The following UBN2 variants were observed in gnomAD, a reference collection of about 807,000 sequenced individuals.
UBN2 encodes ubinuclein-2.
In UBN2, 35 loss-of-function variants were observed where a neutral mutation model predicts 120.2. The ratio of observed to expected loss-of-function variants is 0.29; its 90% CI spans 0.22 to 0.39. The LOEUF (loss-of-function observed/expected upper bound fraction) is 0.39. Among genes scored for constraint, UBN2 ranks in the 10% least tolerant of loss-of-function variants. The pLI, the probability that UBN2 is intolerant of heterozygous loss-of-function variation, is 1.00. For synonymous variants in UBN2, 661 were observed against 648.7 expected (o/e 1.02, Z -0.29); for missense variants, 1,693 against 1,663.2 (o/e 1.02, Z -0.31).
chr7:139,293,158 G>A (rs1351915554), intron 15 of UBN2, 74 bp from the exon 16 acceptor site: 1 of 1,238,256 alleles, frequency 8.1e-7, no homozygotes, highest in Non-Finnish European at 1.2e-6. Context: ...TTGCATCTGT[G>A]AGGATATTAT....
chr7:139,273,782 T>C (rs1797360004), intron 10 of UBN2, 149 bp from the exon 11 acceptor site: 1 of 627,664 alleles, frequency 1.6e-6, no homozygotes, highest in African/African-American at 1.9e-5. Context: ...AGGAAATTGT[T>C]TCATATTGCA....
intron 3 of UBN2, 54 bp from the exon 4 acceptor site, chr7:139,258,434 T>C (rs1796828032): frequency 1.4e-6 from 2 of 1,384,680 alleles, no homozygotes; most frequent in East Asian, 5.0e-5. Flanking sequence ...CTTTGACATT[T>C]ATAGAGTTAA....
intron 13 of UBN2, among the ~76,000 whole-genome samples, chr7:139,281,172 A>T (rs966150016): frequency 2.0e-5 from 3 of 152,188 alleles, no homozygotes; most frequent in African/African-American, 7.2e-5. Flanking sequence ...AAATTCTGAT[A>T]CTGGTTGTGT....
At chr7:139,328,341 C>T in the UBN2 span, among the ~76,000 whole-genome samples, 5 of 152,184 alleles carry the variant, frequency 3.3e-5, no homozygotes, top group Non-Finnish European at 7.3e-5. Context: ...AACTCACTCA[C>T]TGTCGTGCGA....
rs968650778 is a variant in UBN2, at chr7:139,301,142, A to C, written c.*3306A>C. 1.3e-5 allele frequency: 2 copies of C among 152,174 alleles called. No homozygotes were observed. The highest frequency in any genetic ancestry group is 4.8e-5 in the African/African-American group (2 of 41,420). The allele number at this position is 152,174 out of a possible 1,614,324, so 9.4% of individuals were successfully genotyped here. On this transcript the variant is annotated 3_prime_UTR_variant, in exon 18 of 18. Transcript: ENST00000473989. ...AAATTACATTTTTCATATCATGGAC[A>C]TTGAATAGGGTTTATTGAATCAGGA...
intron 2 of UBN2, among the ~76,000 whole-genome samples, chr7:139,239,203 CTT>C (rs1377007508): frequency 6.6e-6 from 1 of 152,114 alleles, no homozygotes; most frequent in African/African-American, 2.4e-5. Context: ...ATTGTACACA[CTT>C]AAGCTCTTTG....
At chr7:139,317,988 TC>T in the UBN2 span, among the ~76,000 whole-genome samples, 4 of 152,128 alleles carry the variant, frequency 2.6e-5, no homozygotes, top group East Asian at 7.7e-4. Flanking sequence ...TTATCCACTT[TC>T]CTGAGTTTGT....
At chr7:139,249,433 C>T (rs1021041760) in intron 2 of UBN2, among the ~76,000 whole-genome samples, 8 of 152,114 alleles carry the variant, frequency 5.3e-5, no homozygotes, top group African/African-American at 1.9e-4. Context: ...TAACTTTTTT[C>T]CCTCAAGCAC....
chr7:139,319,271 CA>C, the UBN2 span, among the ~76,000 whole-genome samples: 1 of 152,068 alleles, frequency 6.6e-6, no homozygotes, highest in Non-Finnish European at 1.5e-5. Context: ...TTAGTAGAGA[CA>C]GGGTTTCGCC....
At chr7:139,271,150 G>C (rs1435093219) in intron 8 of UBN2, among the ~76,000 whole-genome samples, 2 of 152,132 alleles carry the variant, frequency 1.3e-5, no homozygotes, top group Non-Finnish European at 2.9e-5. Flanking sequence ...GGTGTTCGTG[G>C]AATAGGTTAA....
At chr7:139,235,888 C>T (rs1227939798) in intron 1 of UBN2, among the ~76,000 whole-genome samples, 2 of 151,986 alleles carry the variant, frequency 1.3e-5, no homozygotes, top group South Asian at 2.1e-4. Flanking sequence ...TTTTTTAGAC[C>T]GATCATGTCT....
chr7:139,277,512 C>T (rs1459968604), intron 12 of UBN2: 1 of 152,186 alleles, frequency 6.6e-6, no homozygotes, highest in Non-Finnish European at 1.5e-5. Context: ...ATTATATTTA[C>T]TATTCATTAG....
At position 139,305,162 on chromosome 7, in the gene UBN2, T is replaced by C. The variant is rs916893473; in HGVS notation, c.*7326T>C. ...CAGGTTTATAGAGCTGAATGGGTGA[T>C]CAAACTCTAATTAAAAATAGCTTTG... On this transcript the variant is annotated 3_prime_UTR_variant, in exon 18 of 18. Transcript: ENST00000473989. The C allele has an allele frequency of 6.6e-6, 1 of 152,218 alleles. No homozygotes were observed. The highest frequency in any genetic ancestry group is 1.5e-5 in the Non-Finnish European group (1 of 68,024). 9.4% of individuals were successfully genotyped at this position (152,218 alleles called of 1,614,324 possible).
intron 7 of UBN2, among the ~76,000 whole-genome samples, 157 bp downstream of exon 7, chr7:139,266,560 A>G (rs1243558678): frequency 6.6e-6 from 1 of 152,184 alleles, no homozygotes; most frequent in African/African-American, 2.4e-5. Flanking sequence ...CAGCAAAATT[A>G]TCTTTCTGTA....
chr7:139,321,982 CT>C, the UBN2 span, among the ~76,000 whole-genome samples: 1,042 of 146,386 alleles, frequency 7.1e-3, 8 homozygotes, highest in Middle Eastern at 0.018. Flanking sequence ...GAAAAAGAGA[CT>C]TTTTTTTTTT....
At chr7:139,246,329 C>A (rs1170076389) in intron 2 of UBN2, among the ~76,000 whole-genome samples, 1 of 152,148 alleles carries the variant, frequency 6.6e-6, no homozygotes, top group Non-Finnish European at 1.5e-5. Context: ...CATACCACTG[C>A]ACTCCAGCCT....
chr7:139,327,737 T>C, the UBN2 span, among the ~76,000 whole-genome samples: 1 of 152,178 alleles, frequency 6.6e-6, no homozygotes, highest in African/African-American at 2.4e-5. Context: ...ACTAATAGCA[T>C]AGAATGGAAG....
chr7:139,237,527 C>T (rs1584983246), intron 2 of UBN2, among the ~76,000 whole-genome samples: 1 of 152,114 alleles, frequency 6.6e-6, no homozygotes, highest in African/African-American at 2.4e-5. Context: ...AACTCCTGAC[C>T]TCAAGTGATC....
intron 10 of UBN2, among the ~76,000 whole-genome samples, chr7:139,273,631 A>G (rs1296317802): frequency 2.0e-5 from 3 of 152,236 alleles, no homozygotes; most frequent in African/African-American, 4.8e-5. Flanking sequence ...CTAATCTAAT[A>G]ATGGTGTAAG....
Sources: allele counts gnomAD v4.1 joint callset (sites outside exome capture counted in the v4.1 genomes callset), GRCh38; gene constraint gnomAD v4.1.1; transcripts MANE v1.5; gene names NCBI Gene and HGNC (gene_info 2026-07-23, HGNC 2026-07-21).